Variants in CCNY observed in about 807,000 individuals in gnomAD.
CCNY encodes the protein cyclin-Y.
In CCNY, 19 loss-of-function variants were observed where a neutral mutation model predicts 42.8. That is an observed-to-expected ratio of 0.44 (90% CI 0.31 to 0.65). The LOEUF (loss-of-function observed/expected upper bound fraction) is 0.65, where lower values mean the gene tolerates loss of function less well. Among genes scored for constraint, CCNY ranks in the 30% least tolerant of loss-of-function variants. The pLI is 0.07. For missense variants in CCNY, 370 were observed against 437.3 expected (o/e 0.85, Z 1.37); for synonymous variants, 165 against 162.7 (o/e 1.01, Z -0.11).
intron 1 of CCNY, among the ~76,000 whole-genome samples, chr10:35,379,655 A>G (rs1837134162): frequency 6.6e-6 from 1 of 152,230 alleles, no homozygotes. Flanking sequence ...CAGCTGATTT[A>G]GAATGTTGGC....
intron 3 of CCNY, among the ~76,000 whole-genome samples, chr10:35,309,321 T>C (rs1835653135): frequency 6.6e-6 from 1 of 152,222 alleles, no homozygotes; most frequent in Non-Finnish European, 1.5e-5. Context: ...ACACTCGGAC[T>C]CAGTGGACTG....
chr10:35,524,003 A>G (rs974244625), intron 4 of CCNY, among the ~76,000 whole-genome samples: 1 of 152,198 alleles, frequency 6.6e-6, no homozygotes, highest in African/African-American at 2.4e-5. Flanking sequence ...TATTCCTTTG[A>G]AATGTAACAT....
chr10:35,282,451 GGCACGGTGGCTCATGCCTATAATCCCA>G (rs1388233626), intron 3 of CCNY, among the ~76,000 whole-genome samples: 1 of 151,954 alleles, frequency 6.6e-6, no homozygotes, highest in Non-Finnish European at 1.5e-5. Context: ...GAACAGGCCA[GGCACGGTGGCTCATGCCTATAATCCCA>G]GCACTTTGGG....
intron 7 of CCNY, among the ~76,000 whole-genome samples, chr10:35,540,322 T>C (rs1840973097): frequency 6.6e-6 from 1 of 152,250 alleles, no homozygotes; most frequent in Non-Finnish European, 1.5e-5. Flanking sequence ...CTGCATCTAT[T>C]GTGATTGATC....
chr10:35,406,869 C>T (rs886214917), intron 1 of CCNY, among the ~76,000 whole-genome samples: 5 of 151,704 alleles, frequency 3.3e-5, no homozygotes, highest in African/African-American at 9.7e-5. Context: ...CTGACCCCCC[C>T]CCACCTCCGT....
chr10:35,439,389 C>A (rs1016104280), intron 1 of CCNY, among the ~76,000 whole-genome samples: 2 of 152,136 alleles, frequency 1.3e-5, no homozygotes, highest in African/African-American at 4.8e-5. Context: ...TTCTTCTGTT[C>A]TGCTGTTGAG....
At chr10:35,446,746 T>C (rs1483014930) in intron 1 of CCNY, among the ~76,000 whole-genome samples, 2 of 152,204 alleles carry the variant, frequency 1.3e-5, no homozygotes, top group East Asian at 3.8e-4. Context: ...GTTGCTCCTC[T>C]TGCCCCTTGT....
intron 1 of CCNY, among the ~76,000 whole-genome samples, chr10:35,352,181 A>G (rs934284202): frequency 2.0e-5 from 3 of 152,162 alleles, no homozygotes; most frequent in Non-Finnish European, 4.4e-5. Flanking sequence ...AGAGTTCAAG[A>G]GTGGTGTCAG....
At chr10:35,404,595 G>A (rs565644982) in intron 1 of CCNY, among the ~76,000 whole-genome samples, 1 of 152,204 alleles carries the variant, frequency 6.6e-6, no homozygotes, top group African/African-American at 2.4e-5. Context: ...ATTAAGAAGG[G>A]GACGGATTTA....
At chr10:35,470,438 TGCG>T (rs1839369058) in intron 1 of CCNY, among the ~76,000 whole-genome samples, 2 of 152,204 alleles carry the variant, frequency 1.3e-5, no homozygotes, top group African/African-American at 4.8e-5. Context: ...GCAACCCACT[TGCG>T]GAGAGACTGC....
At chr10:35,370,731 T>A (rs1836914680) in intron 1 of CCNY, among the ~76,000 whole-genome samples, 1 of 151,786 alleles carries the variant, frequency 6.6e-6, no homozygotes, top group Admixed American at 6.6e-5. Context: ...TTTATTTTTT[T>A]TTGAGATGGA....
chr10:35,448,437 T>C (rs976333957), intron 1 of CCNY, among the ~76,000 whole-genome samples: 27 of 152,136 alleles, frequency 1.8e-4, no homozygotes, highest in African/African-American at 6.0e-4. Context: ...TCTTTCCTCA[T>C]AGGTAACATG....
rs185304356 is a variant in CCNY at position 35,340,264 on chromosome 10, A to T, written c.154+3057A>T. ...AGCTAGTCTGGGGTTGCCTTCTGGG[A>T]TAGGGTGTCTTGTCATTGCAGTCAT... On this transcript the variant is annotated intron_variant, in intron 1 of 9. Transcript: ENST00000374704. Among the ~76,000 whole-genome samples, 326 of 152,230 alleles carry T rather than the reference A, an allele frequency of 2.1e-3. 2 individuals carry two copies. Among genetic ancestry groups the T allele is most frequent in the African/African-American group, 7.4e-3 (306 of 41,516 alleles).
At chr10:35,397,605 A>G (rs909042266) in intron 1 of CCNY, among the ~76,000 whole-genome samples, 1 of 152,190 alleles carries the variant, frequency 6.6e-6, no homozygotes, top group South Asian at 2.1e-4. Context: ...TTCTAAGGTC[A>G]GGTCAGCCTT....
chr10:35,315,104 T>C (rs1835739332), intron 3 of CCNY: 1 of 152,136 alleles, frequency 6.6e-6, no homozygotes, highest in Admixed American at 6.6e-5. Context: ...ATATATTAAA[T>C]AACTTTTTAA....
intron 1 of CCNY, among the ~76,000 whole-genome samples, chr10:35,452,772 A>T (rs1838946873): frequency 7.6e-5 from 4 of 52,828 alleles, no homozygotes; most frequent in Admixed American, 4.3e-4. Flanking sequence ...TAGAAAAGTA[A>T]AAAAAAAAAA....
At chr10:35,472,004 G>A (rs565428430) in intron 1 of CCNY, among the ~76,000 whole-genome samples, 2 of 152,334 alleles carry the variant, frequency 1.3e-5, no homozygotes, top group African/African-American at 4.8e-5. Flanking sequence ...AACAGAAATT[G>A]TGTAATGAAA....
intron 3 of CCNY, among the ~76,000 whole-genome samples, chr10:35,288,571 T>C (rs1403065158): frequency 6.6e-6 from 1 of 152,202 alleles, no homozygotes; most frequent in Non-Finnish European, 1.5e-5. Flanking sequence ...ATCCCAAGGT[T>C]GTAAAGATTT....
At chr10:35,381,790 A>G (rs1564390153) in intron 1 of CCNY, among the ~76,000 whole-genome samples, 4 of 152,346 alleles carry the variant, frequency 2.6e-5, no homozygotes, top group African/African-American at 7.2e-5. Flanking sequence ...TTTGAAATAA[A>G]TGATAGTGTT....
Sources: allele counts gnomAD v4.1 joint callset (sites outside exome capture counted in the v4.1 genomes callset), GRCh38; gene constraint gnomAD v4.1.1; transcripts MANE v1.5; gene names NCBI Gene and HGNC (gene_info 2026-07-23, HGNC 2026-07-21).